The following DOCK4 variants were observed in gnomAD, a reference collection of about 807,000 sequenced individuals.
The protein encoded by DOCK4 is dedicator of cytokinesis protein 4.
Under a neutral mutation model 268.1 loss-of-function variants are expected in DOCK4, and 97 were observed. That is an observed-to-expected ratio of 0.36 (90% confidence interval 0.31 to 0.43). The LOEUF (loss-of-function observed/expected upper bound fraction) is 0.43, where lower values mean the gene tolerates loss of function less well. Ranked by LOEUF, DOCK4 falls within the 20% of genes least tolerant of loss-of-function variation. The pLI is 1.00. For synonymous variants in DOCK4, 954 were observed against 887.2 expected, an observed-to-expected ratio of 1.08 and a Z score of -1.34; for missense variants, 2,145 against 2,455.7, an observed-to-expected ratio of 0.87 and a Z score of 2.67.
At chr7:111,779,463 T>C (rs967433669) in intron 35 of DOCK4, among the ~76,000 whole-genome samples, 1 of 152,172 alleles carries the variant, frequency 6.6e-6, no homozygotes, top group African/African-American at 2.4e-5. Context: ...AGTGGTGCAA[T>C]CTCAGCTGAC....
At chr7:111,936,883 G>A (rs148260235) in intron 11 of DOCK4, among the ~76,000 whole-genome samples, 110 of 152,262 alleles carry the variant, frequency 7.2e-4, no homozygotes, top group African/African-American at 2.3e-3. Context: ...CCAATTAACA[G>A]TGGGATATCT....
At chr7:111,865,162 ATTC>A (rs1339188557) in intron 22 of DOCK4, among the ~76,000 whole-genome samples, 5 of 152,240 alleles carry the variant, frequency 3.3e-5, no homozygotes, top group Non-Finnish European at 7.3e-5. Context: ...TCCTTCTGAC[ATTC>A]TTCTTCTTTT....
At chr7:111,866,169 A>G (rs1200215717) in intron 22 of DOCK4, among the ~76,000 whole-genome samples, 2 of 152,220 alleles carry the variant, frequency 1.3e-5, no homozygotes, top group African/African-American at 2.4e-5. Flanking sequence ...GATCCATTGA[A>G]TTAGTGGTAC....
chr7:111,768,854 G>C (rs1344126261), intron 37 of DOCK4, among the ~76,000 whole-genome samples: 1 of 152,188 alleles, frequency 6.6e-6, no homozygotes, highest in East Asian at 1.9e-4. Context: ...TGCGTGCTAT[G>C]GTCTGCATGT....
At chr7:112,095,591 C>G (rs1294161432) in intron 1 of DOCK4, among the ~76,000 whole-genome samples, 3 of 152,050 alleles carry the variant, frequency 2.0e-5, no homozygotes, top group African/African-American at 4.8e-5. Context: ...GGTATCTTTT[C>G]TAATCCATGC....
intron 1 of DOCK4, among the ~76,000 whole-genome samples, chr7:112,036,294 TGG>T (rs1385290017): frequency 6.6e-6 from 1 of 151,958 alleles, no homozygotes; most frequent in African/African-American, 2.4e-5. Context: ...TAATCAGACA[TGG>T]AAAAACTGTG....
chr7:112,125,278 A>G (rs1387254728), intron 1 of DOCK4, among the ~76,000 whole-genome samples: 1 of 152,150 alleles, frequency 6.6e-6, no homozygotes, highest in African/African-American at 2.4e-5. Flanking sequence ...CCTCTCTATC[A>G]TGTCATTTAG....
chr7:111,929,640 G>A (rs1794034759), intron 12 of DOCK4, among the ~76,000 whole-genome samples: 1 of 152,038 alleles, frequency 6.6e-6, no homozygotes, highest in African/African-American at 2.4e-5. Context: ...CTCTCAAAAA[G>A]CCTCCTTTCA....
chr7:112,003,976 A>G, intron 2 of DOCK4, 72 bp downstream of exon 2: 1 of 1,161,014 alleles, frequency 8.6e-7, no homozygotes, highest in Non-Finnish European at 1.2e-6. Context: ...AGAGATTAAT[A>G]GCGGTATGGA....
chr7:112,031,580 A>C (rs1803278393), intron 1 of DOCK4, among the ~76,000 whole-genome samples: 1 of 152,152 alleles, frequency 6.6e-6, no homozygotes. Context: ...ACCTTTAATC[A>C]AGTTCCAGCC....
rs116437424 is a variant in DOCK4, at chr7:112,066,153, A to G, written c.38-62022T>C. Among the ~76,000 whole-genome samples the G allele has an allele frequency of 2.6e-3, 390 of 152,276 alleles. 3 individuals carry two copies. Among genetic ancestry groups the G allele is most frequent in the African/African-American group, 8.9e-3 (368 of 41,574 alleles). On this transcript the variant is annotated intron_variant, in intron 1 of 52. Transcript: ENST00000428084. ...GAGGGTGTTTCAGGAAGAGAACAGC[A>G]TTTGAATCAGTGGGCTGCACCCTCA... is the stretch of plus-strand genomic sequence containing the variant.
chr7:112,156,047 G>A (rs1816584467), intron 1 of DOCK4, among the ~76,000 whole-genome samples: 2 of 152,094 alleles, frequency 1.3e-5, no homozygotes, highest in African/African-American at 2.4e-5. Flanking sequence ...CACAGGGCTC[G>A]CAGACCTCGA....
intron 30 of DOCK4, among the ~76,000 whole-genome samples, chr7:111,792,403 G>A (rs1485621193): frequency 6.6e-6 from 1 of 152,140 alleles, no homozygotes; most frequent in Non-Finnish European, 1.5e-5. Context: ...TTGTTATTGA[G>A]ACAGAGTCTC....
intron 1 of DOCK4, among the ~76,000 whole-genome samples, chr7:112,026,267 G>A (rs1345322260): frequency 1.3e-5 from 2 of 152,184 alleles, no homozygotes; most frequent in Non-Finnish European, 2.9e-5. Flanking sequence ...GATTAGCAGC[G>A]GCATTGGATT....
intron 27 of DOCK4, chr7:111,820,890 T>C (rs534087691): frequency 3.5e-4 from 53 of 152,174 alleles, no homozygotes; most frequent in Non-Finnish European, 6.2e-4. Context: ...CCCAGAATGT[T>C]TGCTCTTTGG....
At chr7:111,867,699 G>A (rs779042297) in intron 22 of DOCK4, among the ~76,000 whole-genome samples, 3 of 152,192 alleles carry the variant, frequency 2.0e-5, no homozygotes, top group Non-Finnish European at 2.9e-5. Flanking sequence ...GGTGGTGACA[G>A]CATGTCCAGT....
intron 1 of DOCK4, among the ~76,000 whole-genome samples, chr7:112,197,345 C>A (rs1820540430): frequency 6.6e-6 from 1 of 150,662 alleles, no homozygotes. Context: ...TATATTGAAG[C>A]ATTTTTCCAT....
intron 1 of DOCK4, among the ~76,000 whole-genome samples, chr7:112,092,836 G>A (rs1362251373): frequency 6.6e-6 from 1 of 152,048 alleles, no homozygotes; most frequent in Non-Finnish European, 1.5e-5. Flanking sequence ...AGCACAGACA[G>A]CAGGCTCTGG....
chr7:111,915,682 G>T, intron 13 of DOCK4, 97 bp downstream of exon 13: 1 of 1,319,452 alleles, frequency 7.6e-7, no homozygotes, highest in Non-Finnish European at 1.0e-6. Context: ...TGGCCCATGT[G>T]AATGCTTCAA....
Sources: allele counts gnomAD v4.1 joint callset (sites outside exome capture counted in the v4.1 genomes callset), GRCh38; gene constraint gnomAD v4.1.1; transcripts MANE v1.5; gene names NCBI Gene and HGNC (gene_info 2026-07-23, HGNC 2026-07-21).